Variants in TNFRSF10D observed in about 807,000 individuals in gnomAD.
TNFRSF10D encodes the protein TNF receptor superfamily member 10d.
Under a neutral mutation model 42.1 loss-of-function variants are expected in TNFRSF10D, and 28 were observed. That is an observed-to-expected ratio of 0.66 (90% CI 0.49 to 0.91). The LOEUF is 0.91. Among genes scored for constraint, TNFRSF10D ranks in the 40% least tolerant of loss-of-function variants. The pLI, the probability that TNFRSF10D is intolerant of heterozygous loss-of-function variation, is 0.00. For missense variants in TNFRSF10D, 503 were observed against 486.1 expected, an observed-to-expected ratio of 1.03 and a Z score of -0.33; for synonymous variants, 186 against 189.4, an observed-to-expected ratio of 0.98 and a Z score of 0.15.
chr8:23,157,598 G>T (rs116478781), intron 1 of TNFRSF10D, among the ~76,000 whole-genome samples: 3 of 152,086 alleles, frequency 2.0e-5, no homozygotes, highest in Non-Finnish European at 2.9e-5. Flanking sequence ...CCACTTTACC[G>T]GGGTTTTCAT....
At position 23,137,732 on chromosome 8, in the gene TNFRSF10D, C is replaced by A; in HGVS notation, c.*138G>T. Reference sequence around the variant, plus strand: ...CAAGTGCGTTAACAAAGTTCTAGGACCATTGGTAAGCTGCCCCATATTGGA... The same window carrying A: ...CAAGTGCGTTAACAAAGTTCTAGGAACATTGGTAAGCTGCCCCATATTGGA... On this transcript the variant is annotated 3_prime_UTR_variant, in exon 9 of 9. Transcript: ENST00000312584. 1 of 1,171,710 alleles carries A rather than the reference C, an allele frequency of 8.5e-7. No homozygotes were observed. Among genetic ancestry groups the A allele is most frequent in the East Asian group, 2.4e-5 (1 of 42,054 alleles). The allele number at this position is 1,171,710 out of a possible 1,614,324, so 72.6% of individuals were successfully genotyped here.
rs750197674 is a variant in TNFRSF10D at position 23,138,198 on chromosome 8, G to A, written c.1017C>T (p.Asp339=). The change falls in exon 8 of 9, where the codon GAC becomes GAT. Residue 339 remains aspartate, a synonymous_variant. Transcript: ENST00000312584. The part of the protein sequence containing the change: ...RRLLVPVNDA[D]SADISTLLDA... ...GCACAAAACACTTACTGTCAGCGGA[G>A]TCAGCGTCATTCACTGGAACCAGCA... is the stretch of plus-strand genomic sequence containing the variant. 1.9e-6 allele frequency: 3 copies of A among 1,614,196 alleles called. No individual in the cohort carries two copies. Among genetic ancestry groups the A allele is most frequent in the Non-Finnish European group, 2.5e-6 (3 of 1,180,034 alleles).
chr8:23,137,165 A>ATCTTAAAGCTCAAAAC lies in TNFRSF10D; in HGVS notation c.*689_*704dup, dbSNP rs1814345359. On this transcript the variant is annotated 3_prime_UTR_variant, in exon 9 of 9. Coordinates refer to ENST00000312584, the MANE Select transcript of TNFRSF10D (RefSeq NM_003840.5). ...GGTGGGGGTAAGCCCCAATAATCCT[A>ATCTTAAAGCTCAAAAC]TCTTAAAGCTCAAAACTCTAAGTCG... 1.3e-5 allele frequency: 2 copies of ATCTTAAAGCTCAAAAC among 152,246 alleles called. No individual in the cohort carries two copies. The highest frequency in any genetic ancestry group is 4.8e-5 in the African/African-American group (2 of 41,472). 9.4% of individuals were successfully genotyped at this position (152,246 alleles called of 1,614,324 possible).
At position 23,135,959 on chromosome 8, in the gene TNFRSF10D, C is replaced by T. The variant is rs987735791; in HGVS notation, c.*1911G>A. The T allele has an allele frequency of 1.1e-5, 5 of 446,508 alleles. No individual in the cohort carries two copies. Among genetic ancestry groups the T allele is most frequent in the South Asian group, 3.2e-5 (2 of 63,258 alleles). The allele number at this position is 446,508 out of a possible 1,614,324, so 27.7% of individuals were successfully genotyped here. A position where few individuals can be genotyped will look rare whatever the true frequency, so the allele number is the denominator to read the frequency against. On this transcript the variant is annotated 3_prime_UTR_variant, in exon 9 of 9. Transcript: ENST00000312584. ...GAAGTGCAGGGGACAAGGTGTGGGA[C>T]GCCAGATGGAAGTGGGAGAGGATGG...
At chr8:23,152,682 G>C (rs144322789) in intron 2 of TNFRSF10D, among the ~76,000 whole-genome samples, 942 of 152,270 alleles carry the variant, frequency 6.2e-3, no homozygotes, top group African/African-American at 0.019. Flanking sequence ...GGTGGAAGAT[G>C]TGAAAACTGT....
chr8:23,145,513 A>G lies in TNFRSF10D; in HGVS notation c.736+155T>C, dbSNP rs375676585. 1.1e-3 allele frequency among the ~76,000 whole-genome samples: 171 copies of G among 152,230 alleles called. 2 individuals are homozygous for G. The South Asian group carries it at 0.015, about 13-fold the overall frequency. On this transcript the variant is annotated intron_variant, in intron 5 of 8. Transcript: ENST00000312584. ...GAGACCAGGGTCCTTGGGGATACAC[A>G]GGACGTGGGGATGGGGCGATCACAA...
At chr8:23,149,348 C>T (rs1320146194) in intron 2 of TNFRSF10D, among the ~76,000 whole-genome samples, 4 of 151,674 alleles carry the variant, frequency 2.6e-5, no homozygotes, top group Admixed American at 6.6e-5. Context: ...AGCGATTCTC[C>T]TGCCTCAGCC....
intron 1 of TNFRSF10D, among the ~76,000 whole-genome samples, chr8:23,158,908 A>G (rs1256439298): frequency 6.6e-6 from 1 of 152,194 alleles, no homozygotes; most frequent in Non-Finnish European, 1.5e-5. Context: ...CGATAAGATA[A>G]TGACATGTCT....
intron 2 of TNFRSF10D, among the ~76,000 whole-genome samples, chr8:23,151,190 T>C (rs1161408415): frequency 6.6e-6 from 1 of 151,974 alleles, no homozygotes; most frequent in Non-Finnish European, 1.5e-5. Context: ...GGAACCCCTA[T>C]AAAACTACCA....
At chr8:23,161,162 C>T (rs960438471) in intron 1 of TNFRSF10D, among the ~76,000 whole-genome samples, 17 of 152,248 alleles carry the variant, frequency 1.1e-4, no homozygotes, top group Admixed American at 5.9e-4. Flanking sequence ...CTGAGGTTTA[C>T]ACAGGGCTGC....
rs374978090 is a variant in TNFRSF10D at position 23,148,052 on chromosome 8, G to A, written c.370+386C>T. 9.6e-4 allele frequency among the ~76,000 whole-genome samples: 118 copies of A among 123,214 alleles called. 3 individuals carry two copies. The South Asian group carries it at 0.016, about 17-fold the overall frequency. 80.8% of individuals were successfully genotyped at this position (123,214 alleles called of 152,430 possible). A position where few individuals can be genotyped will look rare whatever the true frequency, so the allele number is the denominator to read the frequency against. ...TGCACTCCAGCCTGGACAACAGAACGAGACTCCGTCTCCCAAAAAAAAAAA... is the reference window on the plus strand; with the variant it reads ...TGCACTCCAGCCTGGACAACAGAACAAGACTCCGTCTCCCAAAAAAAAAAA... On this transcript the variant is annotated intron_variant, in intron 3 of 8. Coordinates refer to ENST00000312584, the MANE Select transcript of TNFRSF10D (RefSeq NM_003840.5).
chr8:23,159,483 C>T lies in TNFRSF10D; in HGVS notation c.150+4303G>A, dbSNP rs139392873. Reference sequence around the variant, plus strand: ...TTTTTAGCCTCCATATATTTACTAGCTTCTTCACAAGTTACTTGGTCCAAT... The same window carrying T: ...TTTTTAGCCTCCATATATTTACTAGTTTCTTCACAAGTTACTTGGTCCAAT... On this transcript the variant is annotated intron_variant, in intron 1 of 8. Transcript: ENST00000312584. Among the ~76,000 whole-genome samples, 39 of 152,276 alleles carry T rather than the reference C, an allele frequency of 2.6e-4. No homozygotes were observed. In the East Asian group the frequency reaches 7.1e-3, roughly 28 times the overall value.
At chr8:23,149,173 G>A (rs1484412752) in intron 2 of TNFRSF10D, among the ~76,000 whole-genome samples, 13 of 117,558 alleles carry the variant, frequency 1.1e-4, no homozygotes, top group African/African-American at 3.3e-4. Context: ...CTGGGCGACA[G>A]AGCAAGACTC....
At chr8:23,161,434 T>C (rs1237629379) in intron 1 of TNFRSF10D, among the ~76,000 whole-genome samples, 1 of 152,256 alleles carries the variant, frequency 6.6e-6, no homozygotes, top group Non-Finnish European at 1.5e-5. Flanking sequence ...GGTCAGGAAC[T>C]GAGCTCAGCT....
At chr8:23,161,917 G>A (rs1482620283) in intron 1 of TNFRSF10D, among the ~76,000 whole-genome samples, 3 of 152,178 alleles carry the variant, frequency 2.0e-5, no homozygotes, top group Admixed American at 6.5e-5. Context: ...AAGCTGGTGC[G>A]CATGGACATG....
rs1585262571 is a variant in TNFRSF10D, at chr8:23,150,954, C to A, written c.257-2403G>T. On this transcript the variant is annotated intron_variant, in intron 2 of 8. Transcript: ENST00000312584. ...AAAACAATATATGCATTATGGTGGT[C>A]CAAGGAGCATCAGAGAAAGTGAAAG... Among the ~76,000 whole-genome samples the A allele has an allele frequency of 2.0e-5, 3 of 151,956 alleles. 1 individual carries two copies. The highest frequency in any genetic ancestry group is 7.2e-5 in the African/African-American group (3 of 41,452).
At chr8:23,142,343 A>G (rs1800040067) in intron 7 of TNFRSF10D, among the ~76,000 whole-genome samples, 1 of 152,166 alleles carries the variant, frequency 6.6e-6, no homozygotes, top group African/African-American at 2.4e-5. Flanking sequence ...CATGGAATCA[A>G]CCTAGGTTCC....
At position 23,135,847 on chromosome 8, in the gene TNFRSF10D, C is replaced by T; in HGVS notation, c.*2023G>A. 2.2e-6 allele frequency: 1 copy of T among 449,422 alleles called. No homozygotes were observed. The highest frequency in any genetic ancestry group is 4.5e-6 in the Non-Finnish European group (1 of 224,344). 27.8% of individuals were successfully genotyped at this position (449,422 alleles called of 1,614,324 possible). ...GACAAAGGAGCTGGGACCGGACTGGCTCTCTCTGAGCTTTGAGACCAAGTC... is the reference window on the plus strand; with the variant it reads ...GACAAAGGAGCTGGGACCGGACTGGTTCTCTCTGAGCTTTGAGACCAAGTC... On this transcript the variant is annotated 3_prime_UTR_variant, in exon 9 of 9. Transcript: ENST00000312584.
At chr8:23,154,282 C>G (rs1800245882) in intron 2 of TNFRSF10D, among the ~76,000 whole-genome samples, 2 of 152,150 alleles carry the variant, frequency 1.3e-5, no homozygotes, top group Admixed American at 1.3e-4. Context: ...GAAATAAATT[C>G]AAGAGATGTA....
Sources: gnomAD v4.1 joint callset for allele counts (sites outside exome capture counted in the v4.1 genomes callset) on GRCh38, gnomAD v4.1.1 for gene constraint, MANE v1.5 for transcripts, NCBI Gene and HGNC (gene_info 2026-07-23, HGNC 2026-07-21) for gene names.